GRIK2: variants seen among roughly 807,000 people sequenced by gnomAD.
GRIK2 encodes the protein glutamate receptor ionotropic, kainate 2.
In GRIK2, 32 loss-of-function variants were observed where a neutral mutation model predicts 100.3. The observed-to-expected ratio is 0.32, with a 90% CI of 0.24 to 0.43. The LOEUF (loss-of-function observed/expected upper bound fraction) is 0.43. GRIK2 is among the 20% of genes least tolerant of loss of function. GRIK2 has a pLI of 1.00. For synonymous variants in GRIK2, 417 were observed against 389.4 expected, an observed-to-expected ratio of 1.07 and a Z score of -0.83; for missense variants, 843 against 1,114.9, an observed-to-expected ratio of 0.76 and a Z score of 3.47.
At chr6:101,931,865 A>C (rs1429829204) in intron 14 of GRIK2, among the ~76,000 whole-genome samples, 1 of 152,228 alleles carries the variant, frequency 6.6e-6, no homozygotes, top group African/African-American at 2.4e-5. Flanking sequence ...AATTTTATTA[A>C]GAAACATTAA....
At chr6:102,018,122 A>G (rs183580609) in intron 14 of GRIK2, among the ~76,000 whole-genome samples, 159 of 152,232 alleles carry the variant, frequency 1.0e-3, no homozygotes, top group Non-Finnish European at 2.0e-3. Flanking sequence ...ACTAAATGTA[A>G]CTGTAGTAAA....
chr6:101,584,992 C>A (rs1341590857), intron 2 of GRIK2, among the ~76,000 whole-genome samples: 1 of 151,930 alleles, frequency 6.6e-6, no homozygotes, highest in African/African-American at 2.4e-5. Context: ...ACCAGCATTT[C>A]TCATTTCCTA....
At chr6:101,597,727 C>A (rs916818502) in intron 2 of GRIK2, among the ~76,000 whole-genome samples, 1 of 151,702 alleles carries the variant, frequency 6.6e-6, no homozygotes, top group African/African-American at 2.4e-5. Flanking sequence ...ATACTCTGTG[C>A]CCCTGGCCTC....
At chr6:101,522,047 T>A (rs1774905478) in intron 2 of GRIK2, among the ~76,000 whole-genome samples, 1 of 152,134 alleles carries the variant, frequency 6.6e-6, no homozygotes, top group African/African-American at 2.4e-5. Flanking sequence ...TTAAGTTGCA[T>A]AACTGTACAT....
At chr6:101,981,972 G>T (rs1035477750) in intron 14 of GRIK2, among the ~76,000 whole-genome samples, 4 of 151,914 alleles carry the variant, frequency 2.6e-5, no homozygotes, top group African/African-American at 9.6e-5. Flanking sequence ...TAGCTGGTTA[G>T]ATAGATGGGA....
intron 4 of GRIK2, among the ~76,000 whole-genome samples, chr6:101,674,756 A>T (rs1201302480): frequency 6.6e-6 from 1 of 152,206 alleles, no homozygotes; most frequent in African/African-American, 2.4e-5. Context: ...CTATTTTACC[A>T]TGCAATTTTT....
chr6:101,498,551 C>A (rs9390748), intron 2 of GRIK2, among the ~76,000 whole-genome samples: 87,330 of 146,256 alleles, frequency 0.6, 27,216 homozygotes, highest in African/African-American at 0.77. Flanking sequence ...CTTTTGAATG[C>A]TTGCCATTCT....
intron 11 of GRIK2, among the ~76,000 whole-genome samples, chr6:101,863,250 G>A (rs1315003998): frequency 6.6e-6 from 1 of 152,096 alleles, no homozygotes; most frequent in Non-Finnish European, 1.5e-5. Flanking sequence ...CTTTCTCACT[G>A]AAATCATTGC....
At chr6:101,746,195 ATC>A (rs1776409956) in intron 7 of GRIK2, among the ~76,000 whole-genome samples, 2 of 152,138 alleles carry the variant, frequency 1.3e-5, no homozygotes, top group South Asian at 2.1e-4. Context: ...TGTCTAACTA[ATC>A]TCTCTAGCAT....
At chr6:102,021,625 C>T (rs1168688854) in intron 14 of GRIK2, among the ~76,000 whole-genome samples, 1 of 151,320 alleles carries the variant, frequency 6.6e-6, no homozygotes, top group Non-Finnish European at 1.5e-5. Context: ...CTTTTAGAGG[C>T]TTATTAGTAT....
intron 7 of GRIK2, among the ~76,000 whole-genome samples, chr6:101,775,521 G>A (rs1778684044): frequency 1.5e-5 from 1 of 65,434 alleles, no homozygotes; most frequent in African/African-American, 6.1e-5. Context: ...ATATATATGT[G>A]TGTATATATA....
intron 10 of GRIK2, among the ~76,000 whole-genome samples, chr6:101,850,808 A>G (rs1447934613): frequency 6.6e-6 from 1 of 152,112 alleles, no homozygotes; most frequent in Non-Finnish European, 1.5e-5. Flanking sequence ...ATTTAAGACT[A>G]TATGAGAAAT....
intron 2 of GRIK2, among the ~76,000 whole-genome samples, chr6:101,559,563 G>A (rs1312036384): frequency 6.6e-6 from 1 of 152,072 alleles, no homozygotes; most frequent in African/African-American, 2.4e-5. Flanking sequence ...CTAAAAGACA[G>A]GGACTTCACT....
At chr6:102,067,988 G>C (rs901376522) in intron 16 of GRIK2, among the ~76,000 whole-genome samples, 1 of 151,742 alleles carries the variant, frequency 6.6e-6, no homozygotes, top group African/African-American at 2.4e-5. Context: ...TGGGTTTCTG[G>C]TATAGAATTG....
At chr6:101,853,811 T>C (rs1013318652) in intron 10 of GRIK2, among the ~76,000 whole-genome samples, 2 of 152,128 alleles carry the variant, frequency 1.3e-5, no homozygotes, top group African/African-American at 4.8e-5. Flanking sequence ...CTTAAATGCT[T>C]ATTACCAAGT....
chr6:101,653,968 C>G (rs1410166843), intron 4 of GRIK2, among the ~76,000 whole-genome samples: 2 of 152,124 alleles, frequency 1.3e-5, no homozygotes, highest in African/African-American at 4.8e-5. Context: ...ATGCACTTCT[C>G]TCATGGTAAT....
intron 11 of GRIK2, among the ~76,000 whole-genome samples, chr6:101,873,668 C>T (rs939703921): frequency 2.0e-5 from 3 of 151,938 alleles, no homozygotes; most frequent in Admixed American, 2.0e-4. Flanking sequence ...GAGGAATTGC[C>T]ACACTGTCTT....
intron 2 of GRIK2, among the ~76,000 whole-genome samples, chr6:101,606,713 T>C (rs553735431): frequency 1.7e-4 from 26 of 152,056 alleles, no homozygotes; most frequent in Admixed American, 1.6e-3. Flanking sequence ...CACCTTATAT[T>C]TGTATTAGCA....
intron 2 of GRIK2, among the ~76,000 whole-genome samples, chr6:101,475,675 A>T (rs1476256400): frequency 6.6e-6 from 1 of 151,892 alleles, no homozygotes; most frequent in African/African-American, 2.4e-5. Context: ...AAAGGAAGAA[A>T]AATAAGTTAT....
Sources: allele counts gnomAD v4.1 joint callset (sites outside exome capture counted in the v4.1 genomes callset), GRCh38; gene constraint gnomAD v4.1.1; transcripts MANE v1.5; gene names NCBI Gene and HGNC (gene_info 2026-07-23, HGNC 2026-07-21).